Variants in ABLIM1 observed in about 807,000 individuals in gnomAD.
ABLIM1 encodes the protein actin-binding LIM protein 1.
ABLIM1 carries 40 observed loss-of-function variants against 107.0 expected under a neutral mutation model. The observed-to-expected ratio is 0.37, with a 90% CI of 0.29 to 0.49. The LOEUF (loss-of-function observed/expected upper bound fraction) is 0.49. Ranked by LOEUF, ABLIM1 falls within the 20% of genes least tolerant of loss-of-function variation. The pLI, the probability that ABLIM1 is intolerant of heterozygous loss-of-function variation, is 0.97. For missense variants in ABLIM1, 857 were observed against 1,008.5 expected (o/e 0.85, Z 2.04); for synonymous variants, 357 against 357.3 (o/e 1.00, Z 0.01).
At chr10:114,583,290 A>G (rs2139274878) in intron 2 of ABLIM1, among the ~76,000 whole-genome samples, 1 of 150,312 alleles carries the variant, frequency 6.7e-6, no homozygotes, top group Non-Finnish European at 1.5e-5. Flanking sequence ...TGCAAATCAA[A>G]ACCACAACAA....
chr10:114,525,612 T>G (rs1210498787), intron 6 of ABLIM1, among the ~76,000 whole-genome samples: 1 of 152,258 alleles, frequency 6.6e-6, no homozygotes, highest in Non-Finnish European at 1.5e-5. Flanking sequence ...TTTGATCCAT[T>G]TATAGAATGG....
At chr10:114,676,581 T>G (rs1039198752) in intron 1 of ABLIM1, among the ~76,000 whole-genome samples, 7 of 152,080 alleles carry the variant, frequency 4.6e-5, no homozygotes, top group African/African-American at 1.4e-4. Context: ...GAAATGGTAT[T>G]CCCAAGAAAC....
At chr10:114,753,633 TATAG>T (rs2082566836) in intron 1 of ABLIM1, among the ~76,000 whole-genome samples, 1 of 152,220 alleles carries the variant, frequency 6.6e-6, no homozygotes, top group Non-Finnish European at 1.5e-5. Context: ...ATAGTAGTTT[TATAG>T]ATAGTTAAAT....
chr10:114,686,217 T>C (rs930830785), upstream of ABLIM1, among the ~76,000 whole-genome samples: 6 of 152,068 alleles, frequency 3.9e-5, no homozygotes, highest in Non-Finnish European at 8.8e-5. Context: ...TTTATTATAG[T>C]CAAGAAACTG....
chr10:114,726,803 C>G (rs971564215), intron 1 of ABLIM1, among the ~76,000 whole-genome samples: 2 of 151,976 alleles, frequency 1.3e-5, no homozygotes, highest in African/African-American at 4.8e-5. Flanking sequence ...AAAAAAAGAA[C>G]AGCACCCAGG....
At chr10:114,658,358 A>G (rs903447816), upstream of ABLIM1, 8 of 1,377,356 alleles carry the variant, frequency 5.8e-6, no homozygotes, top group Non-Finnish European at 7.6e-6. Flanking sequence ...ATTACCCTCA[A>G]GAGCTTAGGG....
intron 16 of ABLIM1, among the ~76,000 whole-genome samples, chr10:114,444,660 C>G (rs901996212): frequency 6.6e-6 from 1 of 152,036 alleles, no homozygotes; most frequent in Non-Finnish European, 1.5e-5. Context: ...ACATATAAAA[C>G]TGAGATCATA....
chr10:114,785,929 G>A, the ABLIM1 span, among the ~76,000 whole-genome samples: 299 of 152,150 alleles, frequency 2.0e-3, 1 homozygote, highest in African/African-American at 6.6e-3. Context: ...AGGTTTCACC[G>A]TGTTGGCCAG....
the ABLIM1 span, among the ~76,000 whole-genome samples, chr10:114,780,629 G>T: frequency 1.3e-5 from 2 of 152,150 alleles, no homozygotes; most frequent in South Asian, 2.1e-4. Context: ...TGGTTTGGTG[G>T]TGTGAAACTT....
chr10:114,750,147 G>C (rs1281281898), intron 1 of ABLIM1, among the ~76,000 whole-genome samples: 1 of 152,062 alleles, frequency 6.6e-6, no homozygotes, highest in Admixed American at 6.6e-5. Context: ...ATAAATATTT[G>C]TGGAATGAAT....
At chr10:114,750,619 C>G (rs984928712) in intron 1 of ABLIM1, among the ~76,000 whole-genome samples, 37 of 152,186 alleles carry the variant, frequency 2.4e-4, no homozygotes, top group Admixed American at 1.6e-3. Context: ...CCCTATAAAA[C>G]ATCTTTCTCC....
Position 114,543,936 on chromosome 10 carries a change from C to T in ABLIM1, c.894+1069G>A, listed in dbSNP as rs577184043. ...CAAATGCAATCAGCTGCCCACGTCC[C>T]AGCACACATCCAATGCTGGCCCCTC... On this transcript the variant is annotated intron_variant, in intron 6 of 22. Transcript: ENST00000533213. Among the ~76,000 whole-genome samples the T allele has an allele frequency of 8.5e-5, 13 of 152,342 alleles. No individual in the cohort carries two copies. In the South Asian group the frequency reaches 1.9e-3, roughly 22 times the overall value.
chr10:114,552,886 T>G (rs141845492), intron 4 of ABLIM1, among the ~76,000 whole-genome samples: 1 of 152,316 alleles, frequency 6.6e-6, no homozygotes, highest in East Asian at 1.9e-4. Context: ...CCCTTTTTCC[T>G]TGGTTAGGAG....
chr10:114,651,788 C>T (rs17092202), intron 1 of ABLIM1, among the ~76,000 whole-genome samples: 12,435 of 152,270 alleles, frequency 0.082, 987 homozygotes, highest in East Asian at 0.44. Context: ...CTGGCCACCA[C>T]CTATCATCTC....
At chr10:114,791,255 A>C in the ABLIM1 span, among the ~76,000 whole-genome samples, 1 of 152,110 alleles carries the variant, frequency 6.6e-6, no homozygotes, top group South Asian at 2.1e-4. Context: ...CTACTTAAAA[A>C]ACAAAAAATT....
intron 7 of ABLIM1, among the ~76,000 whole-genome samples, chr10:114,489,386 A>G (rs552437385): frequency 1.3e-5 from 2 of 152,322 alleles, no homozygotes; most frequent in East Asian, 1.9e-4. Context: ...ATAACTCATG[A>G]GTTATTTCAC....
At chr10:114,682,651 A>G (rs572635086) in intron 1 of ABLIM1, among the ~76,000 whole-genome samples, 1 of 152,294 alleles carries the variant, frequency 6.6e-6, no homozygotes, top group African/African-American at 2.4e-5. Flanking sequence ...CTTCAAGTCA[A>G]CTGCTGAGTG....
chr10:114,767,954 G>C, intron 1 of ABLIM1: 1 of 356,586 alleles, frequency 2.8e-6, no homozygotes, highest in Non-Finnish European at 5.6e-6. Flanking sequence ...CGCTGCCAAA[G>C]TTTCAGGCCG....
At chr10:114,455,387 A>C (rs1411041326) in intron 12 of ABLIM1, among the ~76,000 whole-genome samples, 2 of 152,232 alleles carry the variant, frequency 1.3e-5, no homozygotes, top group Admixed American at 1.3e-4. Flanking sequence ...ATATCATCCC[A>C]AACTATTGAT....
Sources: allele counts gnomAD v4.1 joint callset (sites outside exome capture counted in the v4.1 genomes callset), GRCh38; gene constraint gnomAD v4.1.1; transcripts MANE v1.5; gene names NCBI Gene and HGNC (gene_info 2026-07-23, HGNC 2026-07-21).